LDLRAD2: variants seen among roughly 807,000 people sequenced by gnomAD.
LDLRAD2 encodes low-density lipoprotein receptor class A domain-containing protein 2.
A neutral mutation model predicts 24.9 loss-of-function variants in LDLRAD2; 25 were observed. The observed-to-expected ratio is 1.00, with a 90% CI of 0.73 to 1.40. The LOEUF (loss-of-function observed/expected upper bound fraction) is 1.40, where lower values mean the gene tolerates loss of function less well. Ranked by LOEUF, LDLRAD2 falls within the 40% of genes most tolerant of loss-of-function variation. The pLI is 0.00. For synonymous variants in LDLRAD2, 182 were observed against 166.7 expected, an observed-to-expected ratio of 1.09 and a Z score of -0.71; for missense variants, 391 against 366.2, an observed-to-expected ratio of 1.07 and a Z score of -0.55.
chr1:21,817,694 A>G (rs2097945314), intron 3 of LDLRAD2, among the ~76,000 whole-genome samples: 1 of 152,028 alleles, frequency 6.6e-6, no homozygotes, highest in Non-Finnish European at 1.5e-5. Flanking sequence ...TATACCCAGC[A>G]CTCAGTTTGG....
chr1:21,818,819 G>C (rs1177936812), intron 3 of LDLRAD2, among the ~76,000 whole-genome samples: 1 of 151,926 alleles, frequency 6.6e-6, no homozygotes, highest in South Asian at 2.1e-4. Flanking sequence ...GGCCCTGCAC[G>C]ATCTGGCCCT....
At position 21,814,765 on chromosome 1, in the gene LDLRAD2, C is replaced by A. The variant is rs1433717000; in HGVS notation, c.453C>A (p.Val151=). The part of the protein sequence containing the change: ...SSGPFLGLRL[V]TRGRQPRVDF... ...GACCCTTTCTAGGCCTGCGCCTGGT[C>A]ACGAGAGGCCGCCAGCCCCGCGTGG... The change falls in exon 2 of 5, where the codon GTC becomes GTA. Residue 151 remains valine (V), a synonymous_variant. Coordinates refer to ENST00000344642, the MANE Select transcript of LDLRAD2 (RefSeq NM_001013693.3). 3 of 1,492,190 alleles carry A rather than the reference C, an allele frequency of 2.0e-6. No individual in the cohort carries two copies. The highest frequency in any genetic ancestry group is 1.4e-5 in the African/African-American group (1 of 70,452). 92.4% of individuals were successfully genotyped at this position (1,492,190 alleles called of 1,614,324 possible).
intron 3 of LDLRAD2, among the ~76,000 whole-genome samples, chr1:21,817,966 T>G (rs1049728037): frequency 1.3e-5 from 2 of 152,164 alleles, no homozygotes; most frequent in African/African-American, 4.8e-5. Flanking sequence ...AACCTCTGCC[T>G]CCCTGGTTCA....
chr1:21,818,314 A>T (rs991544456), intron 3 of LDLRAD2, among the ~76,000 whole-genome samples: 1 of 152,158 alleles, frequency 6.6e-6, no homozygotes, highest in Admixed American at 6.5e-5. Flanking sequence ...ACCCGGCCTC[A>T]TGTTACATTC....
At position 21,823,905 on chromosome 1, in the gene LDLRAD2, C is replaced by A; in HGVS notation, c.*1690C>A. The A allele has an allele frequency of 2.8e-6, 2 of 723,044 alleles. No individual in the cohort carries two copies. The highest frequency in any genetic ancestry group is 2.7e-5 in the East Asian group (1 of 37,140). The allele number at this position is 723,044 out of a possible 1,614,324, so 44.8% of individuals were successfully genotyped here. Reference sequence around the variant, plus strand: ...CAAACACAGCTTCCTCATTTCTGCACCCAGGTTTCCTCCCACTCCTGGGGC... The same window carrying A: ...CAAACACAGCTTCCTCATTTCTGCAACCAGGTTTCCTCCCACTCCTGGGGC... On this transcript the variant is annotated 3_prime_UTR_variant, in exon 5 of 5. Transcript: ENST00000344642.
intron 3 of LDLRAD2, among the ~76,000 whole-genome samples, chr1:21,816,609 A>T (rs1348634235): frequency 6.6e-6 from 1 of 152,058 alleles, no homozygotes; most frequent in Non-Finnish European, 1.5e-5. Flanking sequence ...ACCAGAACAA[A>T]TCACCCAGGA....
chr1:21,817,412 G>C (rs554374775), intron 3 of LDLRAD2, among the ~76,000 whole-genome samples: 1 of 151,876 alleles, frequency 6.6e-6, no homozygotes, highest in East Asian at 1.9e-4. Flanking sequence ...GCGCCATCTC[G>C]GCTCACTGCA....
At chr1:21,820,033 C>T (rs373570228) in intron 3 of LDLRAD2, among the ~76,000 whole-genome samples, 2 of 152,160 alleles carry the variant, frequency 1.3e-5, no homozygotes, top group Non-Finnish European at 2.9e-5. Context: ...CAGCACCAAA[C>T]GGATGGTGCT....
At chr1:21,821,877 C>G in intron 4 of LDLRAD2, 1 of 1,420,982 alleles carries the variant, frequency 7.0e-7, no homozygotes, top group Admixed American at 2.9e-5. Context: ...ACAGCCTGTA[C>G]CACGTGCTAC....
intron 1 of LDLRAD2, among the ~76,000 whole-genome samples, chr1:21,812,844 C>T (rs1432844125): frequency 6.6e-6 from 1 of 152,182 alleles, no homozygotes; most frequent in East Asian, 1.9e-4. Context: ...TCTGCCACTT[C>T]TTATGTTTGT....
At position 21,823,707 on chromosome 1, in the gene LDLRAD2, TCTGCGGCCCTCC is replaced by T; in HGVS notation, c.*1497_*1508del. The T allele has an allele frequency of 6.2e-7, 1 of 1,613,392 alleles. No homozygotes were observed. The highest frequency in any genetic ancestry group is 8.5e-7 in the Non-Finnish European group (1 of 1,179,892). The stretch of plus-strand genomic sequence containing the variant: ...CCTCACCGTCGACTTGGATGGAACC[TCTGCGGCCCTCC>T]CTGCAGTGGAACTGGGTCAGGCCCC... On this transcript the variant is annotated 3_prime_UTR_variant, in exon 5 of 5. Transcript: ENST00000344642.
At position 21,824,355 on chromosome 1, in the gene LDLRAD2, C is replaced by G; in HGVS notation, c.*2140C>G. The G allele has an allele frequency of 6.2e-7, 1 of 1,613,862 alleles. No homozygotes were observed. Among genetic ancestry groups the G allele is most frequent in the African/African-American group, 1.3e-5 (1 of 75,046 alleles). On this transcript the variant is annotated 3_prime_UTR_variant, in exon 5 of 5. Coordinates refer to ENST00000344642, the MANE Select transcript of LDLRAD2 (RefSeq NM_001013693.3). This position sits in a 1 kb window ranked among gnomAD's most constrained non-coding sequence, Gnocchi z 5.9. ...AGCCCGAGGCTGATGAAGTCCTTGC[C>G]TTGGCCGGCCTCTCCCACCTCCTGC...
Position 21,814,752 on chromosome 1 carries a change from G to C in LDLRAD2, c.440G>C (p.Gly147Ala), listed in dbSNP as rs2097942156. ...VPVASSGPFLGLRLVTRGRQP... is the reference protein window; with the variant it reads ...VPVASSGPFLALRLVTRGRQP... Reference sequence around the variant, plus strand: ...GTGGCATCCTCCGGACCCTTTCTAGGCCTGCGCCTGGTCACGAGAGGCCGC... The same window carrying C: ...GTGGCATCCTCCGGACCCTTTCTAGCCCTGCGCCTGGTCACGAGAGGCCGC... Residue 147 changes from glycine to alanine, a missense_variant, in exon 2 of 5, where the codon GGC (glycine) becomes GCC (alanine). Gly to Ala is a moderately conservative substitution (Grantham distance 60). Coordinates refer to ENST00000344642, the MANE Select transcript of LDLRAD2 (RefSeq NM_001013693.3). 1 of 1,516,318 alleles carries C rather than the reference G, an allele frequency of 6.6e-7. No homozygotes were observed. Among genetic ancestry groups the C allele is most frequent in the Non-Finnish European group, 8.8e-7 (1 of 1,135,604 alleles). 93.9% of individuals were successfully genotyped at this position (1,516,318 alleles called of 1,614,324 possible).
In LDLRAD2 at chr1:21,824,672, A is replaced by G. The variant is rs376811049; in HGVS notation, c.*2457A>G. 9.5e-5 allele frequency: 153 copies of G among 1,612,814 alleles called. No individual in the cohort carries two copies. Among genetic ancestry groups the G allele is most frequent in the Non-Finnish European group, 1.3e-4 (149 of 1,179,248 alleles). ...GTCCCAGATTCCCATCCTCCCCATT[A>G]GGCCCATGGGCCCTTCCAATGCCAG... On this transcript the variant is annotated 3_prime_UTR_variant, in exon 5 of 5. Transcript: ENST00000344642. The surrounding 1 kb of genome is among the most constrained non-coding windows in gnomAD (Gnocchi z 5.9).
At chr1:21,818,750 C>G (rs969633375) in intron 3 of LDLRAD2, among the ~76,000 whole-genome samples, 1 of 152,184 alleles carries the variant, frequency 6.6e-6, no homozygotes, top group Non-Finnish European at 1.5e-5. Context: ...GGTTATGTCA[C>G]TATCCTGCTC....
rs1047903076 is a variant in LDLRAD2 at position 21,825,046 on chromosome 1, G to C, written c.*2831G>C. On this transcript the variant is annotated 3_prime_UTR_variant, in exon 5 of 5. Transcript: ENST00000344642. The stretch of plus-strand genomic sequence containing the variant: ...TAGGCAAGAAACCAAAGTAGCAGTG[G>C]TAGGACCTGCAACTTTGTTACTAGT... The C allele has an allele frequency of 1.4e-4, 73 of 518,654 alleles. 2 individuals are homozygous for C. Among genetic ancestry groups the C allele is most frequent in the South Asian group, 2.7e-4 (13 of 48,552 alleles). 32.1% of individuals were successfully genotyped at this position (518,654 alleles called of 1,614,324 possible).
At chr1:21,813,100 T>A (rs1240772490) in intron 1 of LDLRAD2, among the ~76,000 whole-genome samples, 1 of 152,122 alleles carries the variant, frequency 6.6e-6, no homozygotes, top group African/African-American at 2.4e-5. Context: ...ATCAAGACCA[T>A]CCTGGCCAAC....
chr1:21,822,278 A>T lies in LDLRAD2; in HGVS notation c.*63A>T. 1 of 1,551,400 alleles carries T rather than the reference A, an allele frequency of 6.4e-7. No homozygotes were observed. Among genetic ancestry groups the T allele is most frequent in the Non-Finnish European group, 8.9e-7 (1 of 1,123,532 alleles). On this transcript the variant is annotated 3_prime_UTR_variant, in exon 5 of 5. Transcript: ENST00000344642. ...TAGCACCGTTTATTAAGAAAAATCA[A>T]GACAAAGACCACAGGAGGGTCCCTT...
Position 21,824,956 on chromosome 1 carries a change from G to A in LDLRAD2, c.*2741G>A, listed in dbSNP as rs1331956909. 1.5e-6 allele frequency: 1 copy of A among 663,686 alleles called. No homozygotes were observed. The highest frequency in any genetic ancestry group is 2.8e-6 in the Non-Finnish European group (1 of 362,088). 41.1% of individuals were successfully genotyped at this position (663,686 alleles called of 1,614,324 possible). A position where few individuals can be genotyped will look rare whatever the true frequency, so the allele number is the denominator to read the frequency against. ...TTCAGGGAGCCTATGACCTTGGATG[G>A]GAAAGCATTACACCTCAATTTCACT... On this transcript the variant is annotated 3_prime_UTR_variant, in exon 5 of 5. Coordinates refer to ENST00000344642, the MANE Select transcript of LDLRAD2 (RefSeq NM_001013693.3). This position sits in a 1 kb window ranked among gnomAD's most constrained non-coding sequence, Gnocchi z 5.9.
Sources: gnomAD v4.1 joint callset for allele counts (sites outside exome capture counted in the v4.1 genomes callset) on GRCh38, gnomAD v4.1.1 for gene constraint, Gnocchi (gnomAD v3.1) non-coding constraint, MANE v1.5 for transcripts, NCBI Gene and HGNC (gene_info 2026-07-23, HGNC 2026-07-21) for gene names.